Variants in STRN observed in about 807,000 individuals in gnomAD.
The protein encoded by STRN is protein phosphatase 2 regulatory subunit B'''alpha.
A neutral mutation model predicts 96.3 loss-of-function variants in STRN; 53 were observed. The ratio of observed to expected loss-of-function variants is 0.55; its 90% CI spans 0.44 to 0.69. STRN has a LOEUF of 0.69. STRN is among the 30% of genes least tolerant of loss of function. STRN has a pLI of 0.00. For missense variants in STRN, 987 were observed against 963.9 expected (o/e 1.02, Z -0.32); for synonymous variants, 428 against 355.9 (o/e 1.20, Z -2.28).
intron 7 of STRN, among the ~76,000 whole-genome samples, chr2:36,893,183 A>C (rs1160015972): frequency 6.6e-6 from 1 of 152,230 alleles, no homozygotes; most frequent in Non-Finnish European, 1.5e-5. Flanking sequence ...AGTCCTGGCT[A>C]TAAGCCTTAA....
Position 36,867,930 on chromosome 2 carries a change from A to C in STRN, c.1500-69T>G, listed in dbSNP as rs1668671227. The stretch of plus-strand genomic sequence containing the variant: ...ACAGTATAATTAAACATATGTCATA[A>C]AATTGTCTTTAAAAATACAAACATT... On this transcript the variant is annotated intron_variant, in intron 11 of 17. Transcript: ENST00000263918. 5 of 1,265,020 alleles carry C rather than the reference A, an allele frequency of 4.0e-6. 1 individual carries two copies. In the Admixed American group the frequency reaches 1.2e-4, roughly 31 times the overall value. The allele number at this position is 1,265,020 out of a possible 1,614,324, so 78.4% of individuals were successfully genotyped here. A position where few individuals can be genotyped will look rare whatever the true frequency, so the allele number is the denominator to read the frequency against.
chr2:36,906,651 C>T (rs1358993485), intron 3 of STRN, among the ~76,000 whole-genome samples: 2 of 152,046 alleles, frequency 1.3e-5, no homozygotes, highest in East Asian at 1.9e-4. Flanking sequence ...GTAGGCCAGG[C>T]GTGGTGGCTC....
intron 12 of STRN, among the ~76,000 whole-genome samples, chr2:36,865,735 T>C (rs1233834159): frequency 1.3e-5 from 2 of 152,138 alleles, no homozygotes; most frequent in Non-Finnish European, 2.9e-5. Context: ...CTAGTTTTTA[T>C]ATTTTTAGTA....
At chr2:36,949,279 A>C (rs1664695522) in intron 1 of STRN, among the ~76,000 whole-genome samples, 2 of 152,212 alleles carry the variant, frequency 1.3e-5, no homozygotes, top group Non-Finnish European at 2.9e-5. Context: ...ACAACAATGA[A>C]ATTGTCTCGT....
chr2:36,912,892 CT>C (rs1407121618), intron 3 of STRN, among the ~76,000 whole-genome samples: 1 of 152,106 alleles, frequency 6.6e-6, no homozygotes, highest in Non-Finnish European at 1.5e-5. Context: ...CTGACTCATC[CT>C]TTTTTCACCC....
At chr2:36,921,483 G>A (rs1211821208) in intron 2 of STRN, among the ~76,000 whole-genome samples, 1 of 152,066 alleles carries the variant, frequency 6.6e-6, no homozygotes, top group Non-Finnish European at 1.5e-5. Context: ...TGATTCCCAA[G>A]CATATATTTC....
At chr2:36,877,691 A>G (rs1572641514) in intron 10 of STRN, among the ~76,000 whole-genome samples, 200 bp downstream of exon 10, 1 of 152,178 alleles carries the variant, frequency 6.6e-6, no homozygotes, top group African/African-American at 2.4e-5. Flanking sequence ...ACCTGCCGCC[A>G]TGCCTGGCTA....
chr2:36,888,897 T>G (rs1353817005), intron 7 of STRN, among the ~76,000 whole-genome samples: 1 of 152,022 alleles, frequency 6.6e-6, no homozygotes, highest in Non-Finnish European at 1.5e-5. Flanking sequence ...TTGCCCAGGC[T>G]GGTCTCAAAC....
At chr2:36,924,470 T>C (rs1020930192) in intron 2 of STRN, among the ~76,000 whole-genome samples, 5 of 151,682 alleles carry the variant, frequency 3.3e-5, no homozygotes, top group Admixed American at 1.3e-4. Context: ...AAGGAAACAC[T>C]ATAGAAATTT....
chr2:36,922,741 TTCTC>T (rs1313520402), intron 2 of STRN, among the ~76,000 whole-genome samples: 2 of 152,172 alleles, frequency 1.3e-5, no homozygotes, highest in African/African-American at 2.4e-5. Context: ...GTCAAACATG[TTCTC>T]TCTACTTCCT....
chr2:36,894,070 A>C (rs1190615089), intron 6 of STRN, 37 bp from the exon 7 acceptor site: 7 of 1,593,498 alleles, frequency 4.4e-6, no homozygotes, highest in Non-Finnish European at 6.0e-6. Context: ...TAAAGGAGAT[A>C]GTTTCCCTTT....
Position 36,842,845 on chromosome 2 carries a change from T to A in STRN, c.*6611A>T, listed in dbSNP as rs943692541. Among the ~76,000 whole-genome samples, 3 of 152,160 alleles carry A rather than the reference T, an allele frequency of 2.0e-5. No individual in the cohort carries two copies. Among genetic ancestry groups the A allele is most frequent in the African/African-American group, 7.2e-5 (3 of 41,430 alleles). ...TTAGAGAACTGGAGTGTTCTGGTCATCCTGAGAAGTAACAGGCGGAGGGAT... is the reference window on the plus strand; with the variant it reads ...TTAGAGAACTGGAGTGTTCTGGTCAACCTGAGAAGTAACAGGCGGAGGGAT... On this transcript the variant is annotated 3_prime_UTR_variant, in exon 18 of 18. Coordinates refer to ENST00000263918, the MANE Select transcript of STRN (RefSeq NM_003162.4).
intron 1 of STRN, among the ~76,000 whole-genome samples, chr2:36,932,249 G>A (rs1670594774): frequency 6.6e-6 from 1 of 152,068 alleles, no homozygotes; most frequent in African/African-American, 2.4e-5. Context: ...CCACCTCCCG[G>A]GTTCAAGCAA....
chr2:36,952,142 G>T (rs1664769544), intron 1 of STRN, among the ~76,000 whole-genome samples: 2 of 152,170 alleles, frequency 1.3e-5, no homozygotes, highest in South Asian at 4.1e-4. Context: ...TGAAGGGTGG[G>T]TAGGCCTGTC....
At chr2:36,883,592 A>C (rs946632213) in intron 9 of STRN, among the ~76,000 whole-genome samples, 10 of 152,242 alleles carry the variant, frequency 6.6e-5, no homozygotes, top group Non-Finnish European at 2.9e-5. Flanking sequence ...TTAAATATTT[A>C]TATGAGTTTC....
intron 1 of STRN, among the ~76,000 whole-genome samples, chr2:36,927,344 C>CA (rs1378039264): frequency 1.3e-5 from 2 of 151,820 alleles, no homozygotes; most frequent in South Asian, 2.1e-4. Context: ...CACGTCCCCA[C>CA]AAAAAATTTA....
At chr2:36,897,163 G>A (rs530335169) in intron 6 of STRN, among the ~76,000 whole-genome samples, 24 of 149,698 alleles carry the variant, frequency 1.6e-4, no homozygotes, top group South Asian at 1.1e-3. Context: ...GTGAAACTCC[G>A]TCTCAAAAAA....
intron 12 of STRN, among the ~76,000 whole-genome samples, chr2:36,862,218 A>G (rs1293266160): frequency 6.6e-6 from 1 of 152,208 alleles, no homozygotes; most frequent in African/African-American, 2.4e-5. Flanking sequence ...TGCTATGATT[A>G]ACACACATGC....
intron 1 of STRN, among the ~76,000 whole-genome samples, chr2:36,941,457 C>T (rs1243542624): frequency 6.6e-6 from 1 of 152,160 alleles, no homozygotes; most frequent in African/African-American, 2.4e-5. Flanking sequence ...CTATTTTTAT[C>T]ATCTGAATTA....
Sources: allele counts gnomAD v4.1 joint callset (sites outside exome capture counted in the v4.1 genomes callset), GRCh38; gene constraint gnomAD v4.1.1; transcripts MANE v1.5; gene names NCBI Gene and HGNC (gene_info 2026-07-23, HGNC 2026-07-21).